UBE2E2: variants seen among roughly 807,000 people sequenced by gnomAD.
The protein encoded by UBE2E2 is ubiquitin conjugating enzyme E2 E2.
UBE2E2 carries 6 observed loss-of-function variants against 24.7 expected under a neutral mutation model. The observed-to-expected ratio is 0.24, with a 90% confidence interval of 0.13 to 0.48. The LOEUF is 0.48. Ranked by LOEUF, UBE2E2 falls within the 20% of genes least tolerant of loss-of-function variation. The pLI, the probability that UBE2E2 is intolerant of heterozygous loss-of-function variation, is 0.99. For missense variants in UBE2E2, 169 were observed against 245.0 expected, an observed-to-expected ratio of 0.69 and a Z score of 2.07; for synonymous variants, 104 against 83.6, an observed-to-expected ratio of 1.24 and a Z score of -1.33.
intron 3 of UBE2E2, among the ~76,000 whole-genome samples, chr3:23,377,580 A>C (rs920318846): frequency 2.6e-5 from 4 of 152,194 alleles, no homozygotes; most frequent in African/African-American, 7.2e-5. Context: ...CATTATACCA[A>C]ATATTGGGAG....
intron 3 of UBE2E2, among the ~76,000 whole-genome samples, chr3:23,248,146 A>G (rs190072148): frequency 1.3e-5 from 2 of 152,306 alleles, no homozygotes; most frequent in Admixed American, 6.5e-5. Flanking sequence ...TCTTCCATCA[A>G]AAAAGCAATT....
At chr3:23,245,947 T>G (rs151236396) in intron 3 of UBE2E2, among the ~76,000 whole-genome samples, 2 of 152,194 alleles carry the variant, frequency 1.3e-5, no homozygotes, top group Non-Finnish European at 2.9e-5. Context: ...GATAAAATGA[T>G]AAGTAAAATA....
At chr3:23,383,712 A>G (rs1176071018) in intron 3 of UBE2E2, among the ~76,000 whole-genome samples, 1 of 152,028 alleles carries the variant, frequency 6.6e-6, no homozygotes, top group Non-Finnish European at 1.5e-5. Flanking sequence ...ATCTGAAAAT[A>G]TATTTTCTTC....
chr3:23,379,377 G>A (rs568714545), intron 3 of UBE2E2, among the ~76,000 whole-genome samples: 211 of 148,680 alleles, frequency 1.4e-3, no homozygotes, highest in African/African-American at 4.6e-3. Flanking sequence ...TATATCCCCC[G>A]ATGCTATCCC....
intron 5 of UBE2E2, among the ~76,000 whole-genome samples, chr3:23,548,951 A>G (rs1255467200): frequency 2.0e-5 from 3 of 152,140 alleles, no homozygotes; most frequent in Non-Finnish European, 2.9e-5. Context: ...TCAGCTCTCA[A>G]AAGAGGTACA....
chr3:23,406,043 T>C (rs1245652653), intron 3 of UBE2E2, among the ~76,000 whole-genome samples: 1 of 152,218 alleles, frequency 6.6e-6, no homozygotes. Flanking sequence ...ATGTGTTTGT[T>C]AAAAAGTAAA....
At chr3:23,461,385 A>G (rs1049812957) in intron 3 of UBE2E2, among the ~76,000 whole-genome samples, 12 of 152,188 alleles carry the variant, frequency 7.9e-5, no homozygotes, top group Admixed American at 5.9e-4. Context: ...AAACTGACCA[A>G]TAAATGAGTA....
intron 3 of UBE2E2, among the ~76,000 whole-genome samples, chr3:23,475,627 A>C (rs1469816483): frequency 1.3e-5 from 2 of 152,102 alleles, no homozygotes; most frequent in Non-Finnish European, 2.9e-5. Context: ...CCTAAGGATA[A>C]GGCTCGCAAA....
At chr3:23,565,247 AG>A (rs1476383703) in intron 5 of UBE2E2, among the ~76,000 whole-genome samples, 2 of 152,096 alleles carry the variant, frequency 1.3e-5, no homozygotes, top group Non-Finnish European at 2.9e-5. Context: ...TGAACGTGTC[AG>A]GAAGGGGAAA....
At chr3:23,526,828 A>G (rs1461798372) in intron 4 of UBE2E2, among the ~76,000 whole-genome samples, 1 of 152,206 alleles carries the variant, frequency 6.6e-6, no homozygotes, top group Non-Finnish European at 1.5e-5. Flanking sequence ...ATCAAAGTAG[A>G]TCCTTTTGTT....
intron 3 of UBE2E2, among the ~76,000 whole-genome samples, chr3:23,338,096 A>G (rs553894614): frequency 1.4e-3 from 214 of 152,332 alleles, no homozygotes; most frequent in African/African-American, 4.9e-3. Flanking sequence ...TGGTGTTGCT[A>G]TCACCAAGAT....
At chr3:23,318,482 A>T (rs563761919) in intron 3 of UBE2E2, among the ~76,000 whole-genome samples, 29 of 152,220 alleles carry the variant, frequency 1.9e-4, no homozygotes, top group Non-Finnish European at 3.5e-4. Flanking sequence ...TGTTGCTGAT[A>T]AAGACATACC....
chr3:23,538,381 G>A (rs1695314098), intron 5 of UBE2E2, among the ~76,000 whole-genome samples: 1 of 152,048 alleles, frequency 6.6e-6, no homozygotes, highest in Non-Finnish European at 1.5e-5. Flanking sequence ...AACTTCACTG[G>A]CACCTCATAC....
chr3:23,586,921 AC>A (rs983492684), intron 5 of UBE2E2, among the ~76,000 whole-genome samples: 28 of 145,778 alleles, frequency 1.9e-4, no homozygotes, highest in Non-Finnish European at 3.4e-4. Flanking sequence ...TTTTTTTTTT[AC>A]ATCATGTGAT....
chr3:23,553,353 T>C (rs1335474024), intron 5 of UBE2E2, among the ~76,000 whole-genome samples: 4 of 152,138 alleles, frequency 2.6e-5, no homozygotes, highest in Non-Finnish European at 5.9e-5. Context: ...CTTGTGAGCA[T>C]GTGGTAAAGC....
At chr3:23,525,348 A>G (rs1575685370) in intron 4 of UBE2E2, among the ~76,000 whole-genome samples, 1 of 152,318 alleles carries the variant, frequency 6.6e-6, no homozygotes, top group East Asian at 1.9e-4. Flanking sequence ...TCTACTGCAC[A>G]TGTGTACCCA....
At chr3:23,385,298 G>A (rs569731958) in intron 3 of UBE2E2, among the ~76,000 whole-genome samples, 4 of 152,112 alleles carry the variant, frequency 2.6e-5, no homozygotes, top group Non-Finnish European at 5.9e-5. Flanking sequence ...TCTGATTATT[G>A]CATTTACAAA....
rs1420073293 is a variant in UBE2E2, at chr3:23,567,140, C to A, written c.509-22594C>A. Among the ~76,000 whole-genome samples the A allele has an allele frequency of 2.6e-5, 4 of 152,180 alleles. No homozygotes were observed. In the East Asian group the frequency reaches 7.7e-4, roughly 29 times the overall value. ...TCTATAACTAAAACAAGCCATTCCCCCTTTTCTGCCAGCAGAAAGATGGAA... is the reference window on the plus strand; with the variant it reads ...TCTATAACTAAAACAAGCCATTCCCACTTTTCTGCCAGCAGAAAGATGGAA... On this transcript the variant is annotated intron_variant, in intron 5 of 5. Coordinates refer to ENST00000396703, the MANE Select transcript of UBE2E2 (RefSeq NM_152653.4).
intron 3 of UBE2E2, among the ~76,000 whole-genome samples, chr3:23,391,158 C>G (rs552117308): frequency 6.6e-6 from 1 of 152,220 alleles, no homozygotes; most frequent in Non-Finnish European, 1.5e-5. Context: ...TGTTTACTTA[C>G]CCAAAGTCAT....
Sources: allele counts gnomAD v4.1 joint callset (sites outside exome capture counted in the v4.1 genomes callset), GRCh38; gene constraint gnomAD v4.1.1; transcripts MANE v1.5; gene names NCBI Gene and HGNC (gene_info 2026-07-23, HGNC 2026-07-21).